The following ARSB variants were observed in gnomAD, a reference collection of about 807,000 sequenced individuals.
ARSB encodes N-acetylgalactosamine-4-sulfatase.
Under a neutral mutation model 50.9 loss-of-function variants are expected in ARSB, and 41 were observed. The ratio of observed to expected loss-of-function variants is 0.81; its 90% CI spans 0.63 to 1.04. The LOEUF is 1.04. Ranked by LOEUF, ARSB falls within the 50% of genes least tolerant of loss-of-function variation. The pLI is 0.00. For missense variants in ARSB, 672 were observed against 693.3 expected (o/e 0.97, Z 0.35); for synonymous variants, 269 against 284.8 (o/e 0.94, Z 0.56).
chr5:78,908,735 T>G (rs1749176581), intron 4 of ARSB, among the ~76,000 whole-genome samples: 1 of 151,392 alleles, frequency 6.6e-6, no homozygotes, highest in Admixed American at 6.6e-5. Context: ...CCAAGACTTT[T>G]TTTTTTTTTT....
chr5:78,853,865 G>A (rs766272245), intron 5 of ARSB, among the ~76,000 whole-genome samples: 3 of 152,250 alleles, frequency 2.0e-5, no homozygotes, highest in South Asian at 2.1e-4. Context: ...CTCTGAGCCA[G>A]GTGCGGGATA....
At chr5:78,852,135 G>A (rs1293639208) in intron 5 of ARSB, among the ~76,000 whole-genome samples, 1 of 152,184 alleles carries the variant, frequency 6.6e-6, no homozygotes, top group Non-Finnish European at 1.5e-5. Flanking sequence ...CTCGTTAGTT[G>A]ATGCAGTTTC....
intron 4 of ARSB, among the ~76,000 whole-genome samples, chr5:78,945,751 C>A (rs1406687572): frequency 6.6e-6 from 1 of 152,170 alleles, no homozygotes; most frequent in Non-Finnish European, 1.5e-5. Context: ...TGCAGACCCC[C>A]CTCCAGGACT....
At chr5:78,905,383 T>C (rs1749016752) in intron 4 of ARSB, among the ~76,000 whole-genome samples, 1 of 146,218 alleles carries the variant, frequency 6.8e-6, no homozygotes, top group South Asian at 2.2e-4. Context: ...TTGGACTGTC[T>C]ATTAGACATT....
In ARSB at chr5:78,976,600, G is replaced by A. The variant is rs146345804; in HGVS notation, c.313-7408C>T. On this transcript the variant is annotated intron_variant, in intron 1 of 7. Transcript: ENST00000264914. ...TGGGATTACAGGCATGAGCCACTGCGCCCAGCCAAGCTTATTTCTTTTAAA... is the reference window on the plus strand; with the variant it reads ...TGGGATTACAGGCATGAGCCACTGCACCCAGCCAAGCTTATTTCTTTTAAA... Among the ~76,000 whole-genome samples, 481 of 152,202 alleles carry A rather than the reference G, an allele frequency of 3.2e-3. 3 individuals are homozygous for A. Among genetic ancestry groups the A allele is most frequent in the African/African-American group, 0.011 (458 of 41,498 alleles).
At chr5:78,904,588 T>C (rs1020413002) in intron 4 of ARSB, among the ~76,000 whole-genome samples, 2 of 152,044 alleles carry the variant, frequency 1.3e-5, no homozygotes, top group Non-Finnish European at 2.9e-5. Context: ...ACATAAATGC[T>C]AGACCTTTTG....
chr5:78,889,021 G>A (rs910597932), intron 4 of ARSB, among the ~76,000 whole-genome samples: 91 of 152,308 alleles, frequency 6.0e-4, no homozygotes, highest in African/African-American at 2.1e-3. Flanking sequence ...GTTCAGCTTC[G>A]CCTGTCCTTG....
intron 1 of ARSB, among the ~76,000 whole-genome samples, chr5:78,976,794 GAC>G (rs1459672841): frequency 5.3e-5 from 8 of 152,080 alleles, no homozygotes; most frequent in African/African-American, 1.9e-4. Context: ...TATAAAAACT[GAC>G]ACAAAAAAAG....
At chr5:78,853,294 G>A (rs1745942462) in intron 5 of ARSB, among the ~76,000 whole-genome samples, 2 of 152,176 alleles carry the variant, frequency 1.3e-5, no homozygotes, top group Non-Finnish European at 1.5e-5. Flanking sequence ...CTCAGCTGCA[G>A]GTCTGTTGGA....
At chr5:78,937,057 C>G (rs989443637) in intron 4 of ARSB, among the ~76,000 whole-genome samples, 1 of 151,776 alleles carries the variant, frequency 6.6e-6, no homozygotes, top group Non-Finnish European at 1.5e-5. Flanking sequence ...TGCAGCCTGT[C>G]CAACATAACA....
chr5:78,799,579 A>G (rs1743304499), intron 6 of ARSB, among the ~76,000 whole-genome samples: 1 of 152,230 alleles, frequency 6.6e-6, no homozygotes, highest in Admixed American at 6.5e-5. Context: ...GCAAAATCCT[A>G]CTTCTGAACC....
intron 4 of ARSB, among the ~76,000 whole-genome samples, chr5:78,920,415 C>G (rs895803889): frequency 2.0e-5 from 3 of 152,098 alleles, no homozygotes; most frequent in African/African-American, 7.2e-5. Context: ...AAAGTGAACT[C>G]TGGATGAAGT....
chr5:78,865,947 G>A (rs953036921), intron 5 of ARSB, among the ~76,000 whole-genome samples: 2 of 152,140 alleles, frequency 1.3e-5, no homozygotes, highest in Non-Finnish European at 2.9e-5. Flanking sequence ...AGCATTTTGG[G>A]TAAAGCCATT....
intron 6 of ARSB, among the ~76,000 whole-genome samples, chr5:78,804,555 G>A (rs1373758121): frequency 6.6e-6 from 1 of 152,150 alleles, no homozygotes; most frequent in African/African-American, 2.4e-5. Context: ...AGAGAGCTCA[G>A]AGGGATCAGG....
chr5:78,882,605 T>A (rs1747804533), intron 5 of ARSB, among the ~76,000 whole-genome samples: 1 of 152,244 alleles, frequency 6.6e-6, no homozygotes, highest in East Asian at 1.9e-4. Flanking sequence ...TGCGATTGAA[T>A]GTGCAGTGAC....
intron 6 of ARSB, among the ~76,000 whole-genome samples, chr5:78,806,943 G>A (rs1341133656): frequency 2.6e-5 from 4 of 152,106 alleles, no homozygotes; most frequent in East Asian, 1.9e-4. Flanking sequence ...TTACTCTTCC[G>A]CTCCCTGTCA....
intron 4 of ARSB, among the ~76,000 whole-genome samples, chr5:78,891,831 G>T (rs1748306444): frequency 6.7e-6 from 1 of 149,428 alleles, no homozygotes; most frequent in Non-Finnish European, 1.5e-5. Flanking sequence ...TGATGACTAG[G>T]TATAAACAAA....
At chr5:78,984,259 G>A (rs919923672) in intron 1 of ARSB, among the ~76,000 whole-genome samples, 2 of 152,140 alleles carry the variant, frequency 1.3e-5, no homozygotes, top group African/African-American at 2.4e-5. Context: ...GATATTCTTA[G>A]CCATCTAACA....
intron 2 of ARSB, among the ~76,000 whole-genome samples, chr5:78,968,290 T>C (rs1317387127): frequency 1.3e-5 from 2 of 150,082 alleles, no homozygotes; most frequent in African/African-American, 2.4e-5. Context: ...ACCAAACCTT[T>C]GTGAAGGAAA....
Sources: allele counts gnomAD v4.1 joint callset (sites outside exome capture counted in the v4.1 genomes callset), GRCh38; gene constraint gnomAD v4.1.1; transcripts MANE v1.5; gene names NCBI Gene and HGNC (gene_info 2026-07-23, HGNC 2026-07-21).